WASF2: variants seen among roughly 807,000 people sequenced by gnomAD.
WASF2 encodes actin-binding protein WASF2.
In WASF2, 14 loss-of-function variants were observed where a neutral mutation model predicts 45.0. The observed-to-expected ratio is 0.31, with a 90% CI of 0.21 to 0.49. WASF2 has a LOEUF of 0.49. Ranked by LOEUF, WASF2 falls within the 20% of genes least tolerant of loss-of-function variation. The probability of loss-of-function intolerance (pLI) is 0.99; values close to 1 mark genes in which losing one functional copy is unlikely to be tolerated. For missense variants in WASF2, 439 were observed against 636.1 expected, an observed-to-expected ratio of 0.69 and a Z score of 3.33; for synonymous variants, 200 against 236.3, an observed-to-expected ratio of 0.85 and a Z score of 1.41.
At chr1:27,487,594 T>C (rs1257872396) in intron 1 of WASF2, among the ~76,000 whole-genome samples, 25 of 95,634 alleles carry the variant, frequency 2.6e-4, no homozygotes, top group East Asian at 5.3e-4. Flanking sequence ...ATATATTTTA[T>C]ATAATATATA....
At chr1:27,431,551 T>C (rs535749417) in intron 1 of WASF2, among the ~76,000 whole-genome samples, 2 of 152,324 alleles carry the variant, frequency 1.3e-5, no homozygotes, top group Admixed American at 1.3e-4. Context: ...GCTCTTCCAC[T>C]GGTAATCATT....
At chr1:27,418,157 G>C in intron 4 of WASF2, 112 bp downstream of exon 4, 4 of 1,233,960 alleles carry the variant, frequency 3.2e-6, no homozygotes, top group South Asian at 1.7e-5. Context: ...CTTTGGGGTA[G>C]GCAGTAAGCT....
At chr1:27,423,430 C>A (rs1425068582) in intron 2 of WASF2, among the ~76,000 whole-genome samples, 1 of 152,176 alleles carries the variant, frequency 6.6e-6, no homozygotes, top group Non-Finnish European at 1.5e-5. Flanking sequence ...AAGTGATCCG[C>A]CTTGGCCTCC....
chr1:27,458,022 T>C (rs1051673819), intron 1 of WASF2, among the ~76,000 whole-genome samples: 2 of 151,998 alleles, frequency 1.3e-5, no homozygotes, highest in Non-Finnish European at 2.9e-5. Flanking sequence ...GTCAAAAGTA[T>C]TTGTTGGCTG....
intron 1 of WASF2, among the ~76,000 whole-genome samples, chr1:27,432,480 C>G (rs2017079063): frequency 6.6e-6 from 1 of 151,486 alleles, no homozygotes; most frequent in Non-Finnish European, 1.5e-5. Context: ...AACGCCGTCT[C>G]TACTAAAAAT....
In WASF2 at chr1:27,407,343, TC is replaced by T. The variant is rs1571115062; in HGVS notation, c.*845del. On this transcript the variant is annotated 3_prime_UTR_variant, in exon 9 of 9. Coordinates refer to ENST00000618852, the MANE Select transcript of WASF2 (RefSeq NM_006990.5). ...GGTGAGACCCACGGGGCTCCACTGT[TC>T]TTCCAGTCCTGCAGCTCCAAGTCTT... The T allele has an allele frequency of 1.3e-5, 2 of 152,770 alleles. No individual in the cohort carries two copies. Among genetic ancestry groups the T allele is most frequent in the African/African-American group, 4.8e-5 (2 of 41,456 alleles). The allele number at this position is 152,770 out of a possible 1,614,324, so 9.5% of individuals were successfully genotyped here. A position where few individuals can be genotyped will look rare whatever the true frequency, so the allele number is the denominator to read the frequency against.
chr1:27,451,436 C>T (rs1281703416), intron 1 of WASF2, among the ~76,000 whole-genome samples: 2 of 152,112 alleles, frequency 1.3e-5, no homozygotes, highest in African/African-American at 4.8e-5. Flanking sequence ...GGCTGAAGTG[C>T]AGGAAGTCAT....
intron 1 of WASF2, among the ~76,000 whole-genome samples, chr1:27,461,512 G>A (rs905943634): frequency 2.0e-5 from 3 of 150,028 alleles, no homozygotes; most frequent in Non-Finnish European, 4.4e-5. Context: ...CCCGGCTGGA[G>A]TGCAGTGACG....
chr1:27,415,951 C>T (rs370145260), intron 5 of WASF2, 34 bp downstream of exon 5: 34 of 1,557,420 alleles, frequency 2.2e-5, no homozygotes, highest in Non-Finnish European at 2.7e-5. Flanking sequence ...ATCGTGCCTA[C>T]TGATGTGGAG....
At chr1:27,424,820 T>C (rs980932077) in intron 2 of WASF2, among the ~76,000 whole-genome samples, 1 of 152,196 alleles carries the variant, frequency 6.6e-6, no homozygotes, top group Non-Finnish European at 1.5e-5. Flanking sequence ...CAATAATTTT[T>C]AATTGAGACA....
At position 27,414,685 on chromosome 1, in the gene WASF2, C is replaced by T. The variant is rs1419501535; in HGVS notation, c.668+148G>A. 2.0e-5 allele frequency: 20 copies of T among 1,024,922 alleles called. No homozygotes were observed. The East Asian group carries it at 4.3e-4, about 22-fold the overall frequency. 63.5% of individuals were successfully genotyped at this position (1,024,922 alleles called of 1,614,324 possible). On this transcript the variant is annotated intron_variant, in intron 6 of 8. Transcript: ENST00000618852. This position sits in a 1 kb window ranked among gnomAD's most constrained non-coding sequence, Gnocchi z 4.1. ...GCAAATTTTCATCACCAGATGGATG[C>T]ACTTTAAAGTAGCTGATTAACAGTG...
At chr1:27,459,315 C>T (rs1156347290) in intron 1 of WASF2, 21 of 152,036 alleles carry the variant, frequency 1.4e-4, no homozygotes, top group Admixed American at 1.4e-3. Context: ...TATGTGCCAT[C>T]ATACCTGGCT....
At chr1:27,413,510 G>T (rs1208049613) in intron 6 of WASF2, among the ~76,000 whole-genome samples, 1 of 152,218 alleles carries the variant, frequency 6.6e-6, no homozygotes, top group Non-Finnish European at 1.5e-5. Context: ...AGGGAGAACA[G>T]AGTTGGAGAA....
chr1:27,452,874 C>T (rs2017403458), intron 1 of WASF2, among the ~76,000 whole-genome samples: 1 of 150,314 alleles, frequency 6.7e-6, no homozygotes, highest in South Asian at 2.1e-4. Context: ...ACTCTAAAGA[C>T]TCATGATATA....
chr1:27,450,199 G>T (rs2017366233), intron 1 of WASF2, among the ~76,000 whole-genome samples: 1 of 151,694 alleles, frequency 6.6e-6, no homozygotes, highest in African/African-American at 2.4e-5. Context: ...TGAGCTGTCT[G>T]CCACAACCGT....
chr1:27,451,706 T>G (rs1356587401), intron 1 of WASF2, among the ~76,000 whole-genome samples: 1 of 152,118 alleles, frequency 6.6e-6, no homozygotes, highest in Non-Finnish European at 1.5e-5. Flanking sequence ...ACAGGAGAGT[T>G]GCAAAACAGG....
rs2016672934 is a variant in WASF2 at position 27,406,245 on chromosome 1, C to G, written c.*1944G>C. ...GGCTGGGAAACAAGGTGGGGGCCCACATAGCCTGGTGTCTCAGCATGGAGC... is the reference window on the plus strand; with the variant it reads ...GGCTGGGAAACAAGGTGGGGGCCCAGATAGCCTGGTGTCTCAGCATGGAGC... On this transcript the variant is annotated 3_prime_UTR_variant, in exon 9 of 9. Coordinates refer to ENST00000618852, the MANE Select transcript of WASF2 (RefSeq NM_006990.5). 1 of 152,560 alleles carries G rather than the reference C, an allele frequency of 6.6e-6. No homozygotes were observed. Among genetic ancestry groups the G allele is most frequent in the African/African-American group, 2.4e-5 (1 of 41,448 alleles). 9.5% of individuals were successfully genotyped at this position (152,560 alleles called of 1,614,324 possible). A position where few individuals can be genotyped will look rare whatever the true frequency, so the allele number is the denominator to read the frequency against.
In WASF2 at chr1:27,410,543, C is replaced by T. The variant is rs1247947705; in HGVS notation, c.825-337G>A. ...CAGCTCTAAGGGGAAGGCACCCTCCCTCCCCTTCCCTAAGAAGGATGGTCC... is the reference window on the plus strand; with the variant it reads ...CAGCTCTAAGGGGAAGGCACCCTCCTTCCCCTTCCCTAAGAAGGATGGTCC... On this transcript the variant is annotated intron_variant, in intron 7 of 8. Coordinates refer to ENST00000618852, the MANE Select transcript of WASF2 (RefSeq NM_006990.5). The surrounding 1 kb of genome is among the most constrained non-coding windows in gnomAD (Gnocchi z 4.2). 6.6e-6 allele frequency among the ~76,000 whole-genome samples: 1 copy of T among 152,194 alleles called. No individual in the cohort carries two copies. Among genetic ancestry groups the T allele is most frequent in the East Asian group, 1.9e-4 (1 of 5,198 alleles).
chr1:27,443,176 T>A (rs1457786224), intron 1 of WASF2, among the ~76,000 whole-genome samples: 3 of 144,594 alleles, frequency 2.1e-5, no homozygotes, highest in Non-Finnish European at 4.6e-5. Flanking sequence ...AATAAATAAA[T>A]AAATAAAAAA....
Sources: gnomAD v4.1 joint callset for allele counts (sites outside exome capture counted in the v4.1 genomes callset) on GRCh38, gnomAD v4.1.1 for gene constraint, Gnocchi (gnomAD v3.1) non-coding constraint, MANE v1.5 for transcripts, NCBI Gene and HGNC (gene_info 2026-07-23, HGNC 2026-07-21) for gene names.